The following RAP1GDS1 variants were observed in gnomAD, a reference collection of about 807,000 sequenced individuals.
The protein encoded by RAP1GDS1 is RAP1, GTP-GDP dissociation stimulator 1.
In RAP1GDS1, 35 loss-of-function variants were observed where a neutral mutation model predicts 71.1. The ratio of observed to expected loss-of-function variants is 0.49; its 90% CI spans 0.38 to 0.65. The LOEUF is 0.65. Ranked by LOEUF, RAP1GDS1 falls within the 30% of genes least tolerant of loss-of-function variation. The pLI is 0.00. For synonymous variants in RAP1GDS1, 229 were observed against 243.1 expected (o/e 0.94, Z 0.54); for missense variants, 663 against 706.1 (o/e 0.94, Z 0.69).
rs1156925154 is a variant in RAP1GDS1, at chr4:98,416,356, T to G, written c.764-389T>G. Among the ~76,000 whole-genome samples the G allele has an allele frequency of 7.1e-4, 94 of 132,220 alleles. 2 individuals are homozygous for G. The highest frequency in any genetic ancestry group is 4.5e-3 in the Admixed American group (60 of 13,282). 86.7% of individuals were successfully genotyped at this position (132,220 alleles called of 152,430 possible). A position where few individuals can be genotyped will look rare whatever the true frequency, so the allele number is the denominator to read the frequency against. ...TTAGTTTTTTTTTTTTTTTTTTTTT[T>G]TTTTTTTTGAGACAGAGTCTCGCTC... On this transcript the variant is annotated intron_variant, in intron 7 of 14. Coordinates refer to ENST00000408927, the MANE Select transcript of RAP1GDS1 (RefSeq NM_001100427.2).
rs1333651068 is a variant in RAP1GDS1 at position 98,442,007 on chromosome 4, G to A, written c.1714G>A (p.Val572Ile). ...LMGSECLHKE[V>I]QDLAFLDVVS... is the part of the protein sequence containing the mutation. Reference sequence around the variant, plus strand: ...TCTTCCAGAATGTCTACACAAGGAAGTACAGGATTTGGCTTTTCTAGATGT... The same window carrying A: ...TCTTCCAGAATGTCTACACAAGGAAATACAGGATTTGGCTTTTCTAGATGT... The change falls in exon 15 of 15, where the codon GTA becomes ATA. Residue 572 changes from valine (V) to isoleucine (I), a missense_variant. Physicochemically the swap from Val to Ile is conservative, Grantham distance 29. Coordinates refer to ENST00000408927, the MANE Select transcript of RAP1GDS1 (RefSeq NM_001100427.2). 1.3e-5 allele frequency: 21 copies of A among 1,613,824 alleles called. No individual in the cohort carries two copies. Among genetic ancestry groups the A allele is most frequent in the Admixed American group, 3.3e-5 (2 of 59,994 alleles).
At chr4:98,311,617 T>C (rs927750737) in intron 2 of RAP1GDS1, among the ~76,000 whole-genome samples, 1 of 152,184 alleles carries the variant, frequency 6.6e-6, no homozygotes, top group Non-Finnish European at 1.5e-5. Flanking sequence ...AATATATATG[T>C]ATATTTATGT....
At chr4:98,278,306 A>C (rs1478394918) in intron 1 of RAP1GDS1, among the ~76,000 whole-genome samples, 1 of 152,106 alleles carries the variant, frequency 6.6e-6, no homozygotes, top group Admixed American at 6.5e-5. Context: ...ATTACTTCTT[A>C]TTATCTTATA....
In RAP1GDS1 at chr4:98,321,789, C is replaced by A. The variant is rs1731960484; in HGVS notation, c.113-21350C>A. Among the ~76,000 whole-genome samples the A allele has an allele frequency of 4.5e-5, 6 of 133,520 alleles. No individual in the cohort carries two copies. In the Admixed American group the frequency reaches 4.8e-4, roughly 11 times the overall value. 87.6% of individuals were successfully genotyped at this position (133,520 alleles called of 152,430 possible). On this transcript the variant is annotated intron_variant, in intron 2 of 14. Transcript: ENST00000408927. Reference sequence around the variant, plus strand: ...AGGAAGCGCTAAACATGGAAAGGAACAACCGGTACCACCCGCTGCAAAATC... The same window carrying A: ...AGGAAGCGCTAAACATGGAAAGGAAAAACCGGTACCACCCGCTGCAAAATC...
chr4:98,315,018 A>G (rs1730743159), intron 2 of RAP1GDS1, among the ~76,000 whole-genome samples: 1 of 152,176 alleles, frequency 6.6e-6, no homozygotes, highest in Admixed American at 6.5e-5. Context: ...GCTTTTAGAA[A>G]TGTAGTGTCT....
At chr4:98,391,259 G>A (rs1743612542) in intron 5 of RAP1GDS1, among the ~76,000 whole-genome samples, 2 of 152,208 alleles carry the variant, frequency 1.3e-5, no homozygotes, top group South Asian at 4.2e-4. Context: ...GGCAAGCAAT[G>A]ATGACAAGGC....
intron 12 of RAP1GDS1, among the ~76,000 whole-genome samples, chr4:98,429,022 G>T (rs1750012869): frequency 6.6e-6 from 1 of 152,200 alleles, no homozygotes. Flanking sequence ...ACTATGGGAG[G>T]ACGAGGCAGG....
chr4:98,379,783 C>T (rs546761233), intron 5 of RAP1GDS1, among the ~76,000 whole-genome samples: 96 of 151,878 alleles, frequency 6.3e-4, no homozygotes, highest in Middle Eastern at 3.4e-3. Flanking sequence ...CTTCACAATA[C>T]GTTTGTGTCA....
At chr4:98,333,307 A>G (rs1307000131) in intron 2 of RAP1GDS1, among the ~76,000 whole-genome samples, 1 of 151,998 alleles carries the variant, frequency 6.6e-6, no homozygotes, top group Non-Finnish European at 1.5e-5. Context: ...AATTATATAT[A>G]TTAGAATTTT....
chr4:98,403,937 G>A (rs1217384676), intron 6 of RAP1GDS1, among the ~76,000 whole-genome samples: 1 of 152,102 alleles, frequency 6.6e-6, no homozygotes, highest in Admixed American at 6.6e-5. Flanking sequence ...TGGACTAGGG[G>A]GAGGATGTTT....
At chr4:98,366,616 C>G (rs1739532677) in intron 4 of RAP1GDS1, among the ~76,000 whole-genome samples, 2 of 152,054 alleles carry the variant, frequency 1.3e-5, no homozygotes, top group South Asian at 4.1e-4. Flanking sequence ...AATGGCTTTG[C>G]CCAAAATGCT....
chr4:98,350,509 C>A (rs1031117585), intron 3 of RAP1GDS1, among the ~76,000 whole-genome samples: 1 of 151,938 alleles, frequency 6.6e-6, no homozygotes, highest in South Asian at 2.1e-4. Context: ...AAGTTCGACA[C>A]CAGCCAGGGC....
At chr4:98,263,495 C>T (rs146164548) in intron 1 of RAP1GDS1, among the ~76,000 whole-genome samples, 1,862 of 152,294 alleles carry the variant, frequency 0.012, 58 homozygotes, top group East Asian at 0.036. Flanking sequence ...CATTTTGAAG[C>T]CATCTCTGAT....
At chr4:98,346,554 AT>A (rs1477400012) in intron 3 of RAP1GDS1, among the ~76,000 whole-genome samples, 4 of 150,242 alleles carry the variant, frequency 2.7e-5, no homozygotes, top group African/African-American at 9.9e-5. Context: ...AAGAATGATT[AT>A]TTATTTTTTT....
intron 14 of RAP1GDS1, among the ~76,000 whole-genome samples, chr4:98,437,609 A>G: frequency 6.6e-6 from 1 of 152,050 alleles, no homozygotes; most frequent in Non-Finnish European, 1.5e-5. Flanking sequence ...CCTGGCGAAC[A>G]TGGTGAAACC....
chr4:98,431,156 T>A (rs1578864995), intron 12 of RAP1GDS1, among the ~76,000 whole-genome samples: 1 of 152,202 alleles, frequency 6.6e-6, no homozygotes, highest in African/African-American at 2.4e-5. Context: ...GTTACCAGGC[T>A]AAAAACTTGT....
chr4:98,372,963 T>G (rs1740613464), intron 4 of RAP1GDS1, among the ~76,000 whole-genome samples: 1 of 152,212 alleles, frequency 6.6e-6, no homozygotes, highest in African/African-American at 2.4e-5. Flanking sequence ...GTGCTGAGAT[T>G]ATAGGCGTGA....
chr4:98,435,146 G>C (rs1441731476), intron 13 of RAP1GDS1, among the ~76,000 whole-genome samples: 3 of 152,182 alleles, frequency 2.0e-5, no homozygotes, highest in Non-Finnish European at 4.4e-5. Flanking sequence ...AGCCATTTGG[G>C]TAAATACTGT....
chr4:98,374,676 AG>A (rs913623353), intron 4 of RAP1GDS1, among the ~76,000 whole-genome samples: 2 of 152,206 alleles, frequency 1.3e-5, no homozygotes, highest in Non-Finnish European at 2.9e-5. Flanking sequence ...GAGTCGAACT[AG>A]GTTCATGTTT....
Sources: gnomAD v4.1 joint callset for allele counts (sites outside exome capture counted in the v4.1 genomes callset) on GRCh38, gnomAD v4.1.1 for gene constraint, MANE v1.5 for transcripts, NCBI Gene and HGNC (gene_info 2026-07-23, HGNC 2026-07-21) for gene names.